Variants in RBM27 observed in about 807,000 individuals in gnomAD.
RBM27 encodes RNA binding motif protein 27, also known as RNA-binding protein 27.
RBM27 carries 22 observed loss-of-function variants against 135.3 expected under a neutral mutation model. The observed-to-expected ratio is 0.16, with a 90% CI of 0.12 to 0.23. The LOEUF is 0.23. Among genes scored for constraint, RBM27 ranks in the 10% least tolerant of loss-of-function variants. The probability of loss-of-function intolerance (pLI) is 1.00; values close to 1 mark genes in which losing one functional copy is unlikely to be tolerated. For missense variants in RBM27, 1,009 were observed against 1,281.0 expected (o/e 0.79, Z 3.24); for synonymous variants, 481 against 442.4 (o/e 1.09, Z -1.10).
rs374811412 is a variant in RBM27 at position 146,264,730 on chromosome 5, A to C, written c.2331+1099A>C. ...AATACTATGTAGCTTCTGTAACTGAAACAACCTGATAATGACTCATGAATA... is the reference window on the plus strand; with the variant it reads ...AATACTATGTAGCTTCTGTAACTGACACAACCTGATAATGACTCATGAATA... On this transcript the variant is annotated intron_variant, in intron 14 of 20. Coordinates refer to ENST00000265271, the MANE Select transcript of RBM27 (RefSeq NM_018989.2). Among the ~76,000 whole-genome samples, 13 of 152,014 alleles carry C rather than the reference A, an allele frequency of 8.6e-5. 1 individual carries two copies. The South Asian group carries it at 2.7e-3, about 32-fold the overall frequency.
intron 6 of RBM27, among the ~76,000 whole-genome samples, chr5:146,232,455 T>C (rs927594448): frequency 6.6e-6 from 1 of 152,220 alleles, no homozygotes; most frequent in African/African-American, 2.4e-5. Context: ...AATACTAGTA[T>C]GCTACTCATA....
At chr5:146,269,382 AT>A (rs1256244396) in intron 16 of RBM27, 37 bp from the exon 17 acceptor site, 1 of 1,505,226 alleles carries the variant, frequency 6.6e-7, no homozygotes, top group South Asian at 1.3e-5. Flanking sequence ...ATTAAAGTTT[AT>A]TAAGCATGGT....
chr5:146,267,798 G>A (rs1407772383), intron 15 of RBM27, 30 bp downstream of exon 15: 1 of 1,590,638 alleles, frequency 6.3e-7, no homozygotes, highest in East Asian at 2.2e-5. Context: ...TTGCCTTACA[G>A]AAGAAAAGAT....
intron 1 of RBM27, among the ~76,000 whole-genome samples, chr5:146,212,305 T>C (rs530880740): frequency 6.6e-6 from 1 of 152,014 alleles, no homozygotes; most frequent in South Asian, 2.1e-4. Flanking sequence ...CCACCCGCCT[T>C]GGCCTCCCAA....
intron 1 of RBM27, among the ~76,000 whole-genome samples, chr5:146,214,492 T>C (rs2126693675): frequency 1.3e-5 from 2 of 152,310 alleles, no homozygotes; most frequent in South Asian, 4.1e-4. Context: ...TTAGTTGTAC[T>C]CAGATTTTTG....
At position 146,233,646 on chromosome 5, in the gene RBM27, A is replaced by C; in HGVS notation, c.1047A>C (p.Pro349=). The part of the protein sequence containing the change: ...PGPGPGPGPG[P]GPGPGPGPGH... The stretch of plus-strand genomic sequence containing the variant: ...CAGGCCCGGGCCCAGGTCCAGGCCC[A>C]GGCCCGGGCCCAGGTCCAGGTCCTG... Residue 349 remains proline, a synonymous_variant, in exon 7 of 21, where the codon CCA becomes CCC. Transcript: ENST00000265271. 6.4e-7 allele frequency: 1 copy of C among 1,562,684 alleles called. No individual in the cohort carries two copies. Among genetic ancestry groups the C allele is most frequent in the Non-Finnish European group, 8.6e-7 (1 of 1,161,804 alleles).
intron 3 of RBM27, among the ~76,000 whole-genome samples, chr5:146,223,880 A>T (rs1345889600): frequency 6.6e-6 from 1 of 152,252 alleles, no homozygotes; most frequent in Non-Finnish European, 1.5e-5. Flanking sequence ...ATTTTCATGT[A>T]TATGGAGAAA....
In RBM27 at chr5:146,229,878, G is replaced by A. The variant is rs540414884; in HGVS notation, c.557G>A (p.Arg186His). 40 of 1,613,798 alleles carry A rather than the reference G, an allele frequency of 2.5e-5. No homozygotes were observed. The highest frequency in any genetic ancestry group is 3.1e-5 in the Non-Finnish European group (36 of 1,179,900). The change falls in exon 5 of 21, where the codon CGC (arginine) becomes CAC (histidine). Residue 186 changes from arginine to histidine, a missense_variant. Coordinates refer to ENST00000265271, the MANE Select transcript of RBM27 (RefSeq NM_018989.2). ...LSRSRSRSRG[R>H]SKDRDPNRNV... ...CGCAGTAGAAGCCGAAGTAGGGGGC[G>A]CAGCAAAGACCGGGATCCAAATAGG...
At chr5:146,229,140 T>G in intron 4 of RBM27, 103 bp downstream of exon 4, 1 of 769,698 alleles carries the variant, frequency 1.3e-6, no homozygotes, top group Non-Finnish European at 2.1e-6. Flanking sequence ...CTCCTCTCTC[T>G]GTAAACTCAT....
chr5:146,229,001 G>C lies in RBM27; in HGVS notation c.359G>C (p.Ser120Thr). The change falls in exon 4 of 21, where the codon AGT (serine) becomes ACT (threonine). Residue 120 changes from serine (S) to threonine (T), a missense_variant. Transcript: ENST00000265271. ...ERDGRKKKYPSPQKTRSESSE... is the reference protein window; with the variant it reads ...ERDGRKKKYPTPQKTRSESSE... The stretch of plus-strand genomic sequence containing the variant: ...GATGGCAGAAAAAAGAAATATCCTA[G>C]TCCCCAGAAGACTCGTTCAGAATCT... The C allele has an allele frequency of 6.2e-7, 1 of 1,613,780 alleles. No individual in the cohort carries two copies.
Position 146,207,315 on chromosome 5 carries a change from G to A in RBM27, c.59+3491G>A, listed in dbSNP as rs538365370. ...TGCAACCTCTGCCTCCTGGGTTCAA[G>A]CGATTCTCCTGCTTTAGCCTCCCGA... On this transcript the variant is annotated intron_variant, in intron 1 of 20. Coordinates refer to ENST00000265271, the MANE Select transcript of RBM27 (RefSeq NM_018989.2). Among the ~76,000 whole-genome samples, 3 of 152,118 alleles carry A rather than the reference G, an allele frequency of 2.0e-5. No homozygotes were observed. In the South Asian group the frequency reaches 6.2e-4, roughly 32 times the overall value.
chr5:146,225,000 T>A (rs761889386), intron 3 of RBM27, among the ~76,000 whole-genome samples: 14 of 152,242 alleles, frequency 9.2e-5, no homozygotes, highest in Non-Finnish European at 1.9e-4. Flanking sequence ...GAATATTCTC[T>A]TAGGTAACTA....
chr5:146,280,638 A>G (rs1759302198), intron 19 of RBM27, among the ~76,000 whole-genome samples: 1 of 152,084 alleles, frequency 6.6e-6, no homozygotes. Flanking sequence ...TATTATTTTC[A>G]GATTCCACAT....
intron 1 of RBM27, among the ~76,000 whole-genome samples, chr5:146,213,947 T>G (rs1756085360): frequency 6.6e-6 from 1 of 152,236 alleles, no homozygotes; most frequent in Non-Finnish European, 1.5e-5. Flanking sequence ...GGAGTCCTAT[T>G]TGTAAGTTAC....
At chr5:146,259,204 T>A (rs1021597915) in intron 11 of RBM27, among the ~76,000 whole-genome samples, 8 of 150,790 alleles carry the variant, frequency 5.3e-5, no homozygotes, top group Admixed American at 3.3e-4. Context: ...TTTGCAGAAG[T>A]TGAAAATATG....
In RBM27 at chr5:146,287,399, C is replaced by T. The variant is rs998997478; in HGVS notation, c.*1369C>T. On this transcript the variant is annotated 3_prime_UTR_variant, in exon 21 of 21. Transcript: ENST00000265271. ...ATGGAAAAGCAGAGGAGCAACACTA[C>T]ACTGTACTGACCCCTGGGAAAATAA... 6.6e-6 allele frequency: 1 copy of T among 152,120 alleles called. No individual in the cohort carries two copies. Among genetic ancestry groups the T allele is most frequent in the Non-Finnish European group, 1.5e-5 (1 of 68,034 alleles). 9.4% of individuals were successfully genotyped at this position (152,120 alleles called of 1,614,324 possible).
chr5:146,224,235 ATG>A (rs1756571580), intron 3 of RBM27, among the ~76,000 whole-genome samples: 1 of 152,174 alleles, frequency 6.6e-6, no homozygotes, highest in South Asian at 2.1e-4. Context: ...GAGATTATGT[ATG>A]TATGTGTGTA....
intron 7 of RBM27, among the ~76,000 whole-genome samples, chr5:146,236,140 G>T (rs543227664): frequency 8.5e-4 from 129 of 152,288 alleles, no homozygotes; most frequent in South Asian, 1.7e-3. Context: ...CTATTTAAAA[G>T]TTAAATTCAA....
chr5:146,230,063 G>C (rs374048533), intron 5 of RBM27, among the ~76,000 whole-genome samples, 153 bp downstream of exon 5: 1 of 152,170 alleles, frequency 6.6e-6, no homozygotes, highest in African/African-American at 2.4e-5. Context: ...CATTTTGTTA[G>C]AAAACAGGGC....
Sources: allele counts gnomAD v4.1 joint callset (sites outside exome capture counted in the v4.1 genomes callset), GRCh38; gene constraint gnomAD v4.1.1; transcripts MANE v1.5; gene names NCBI Gene and HGNC (gene_info 2026-07-23, HGNC 2026-07-21).